The following ALK variants were observed in gnomAD, a reference collection of about 807,000 sequenced individuals.
ALK encodes the protein ALK tyrosine kinase receptor.
Under a neutral mutation model 163.1 loss-of-function variants are expected in ALK, and 74 were observed. The ratio of observed to expected loss-of-function variants is 0.45; its 90% confidence interval spans 0.38 to 0.55. The LOEUF is 0.55. Among genes scored for constraint, ALK ranks in the 20% least tolerant of loss-of-function variants. The pLI is 0.00. For synonymous variants in ALK, 960 were observed against 843.2 expected (o/e 1.14, Z -2.40); for missense variants, 2,063 against 2,105.3 (o/e 0.98, Z 0.39).
chr2:29,425,426 G>C (rs985770162), intron 4 of ALK, among the ~76,000 whole-genome samples: 2 of 152,202 alleles, frequency 1.3e-5, no homozygotes, highest in Non-Finnish European at 2.9e-5. Context: ...CTCCAGGTAA[G>C]CATGGCCAAG....
intron 2 of ALK, among the ~76,000 whole-genome samples, chr2:29,709,730 G>A (rs1332662142): frequency 6.6e-6 from 1 of 152,126 alleles, no homozygotes; most frequent in Non-Finnish European, 1.5e-5. Context: ...CCAGCTGCTG[G>A]TTGTGAATAC....
In ALK at chr2:29,209,858, C is replaced by A. The variant is rs1190225184; in HGVS notation, c.3764G>T (p.Cys1255Phe). 6.2e-7 allele frequency: 1 copy of A among 1,614,118 alleles called. No individual in the cohort carries two copies. The highest frequency in any genetic ancestry group is 8.5e-7 in the Non-Finnish European group (1 of 1,180,010). Residue 1255 changes from cysteine to phenylalanine, a missense_variant, in exon 25 of 29, where the codon TGC becomes TTC. Physicochemically the swap from Cys to Phe is radical, Grantham distance 205 (BLOSUM62 -2). This residue lies in a region of ALK where 83 missense variants were observed against 139.7 expected (regional missense o/e 0.59). Transcript: ENST00000389048. ...TCCAGGGCCTGGACAGGTCAAGAGG[C>A]AGTTTCTGGCAGCAATGTCTCTGGG... ...FIHRDIAARN[C>F]LLTCPGPGRV...
chr2:29,236,205 C>A (rs959288292), intron 13 of ALK, among the ~76,000 whole-genome samples: 1 of 152,136 alleles, frequency 6.6e-6, no homozygotes, highest in African/African-American at 2.4e-5. Flanking sequence ...GGCACCCCGC[C>A]TCCCTGGACT....
intron 4 of ALK, among the ~76,000 whole-genome samples, chr2:29,417,211 A>G (rs1327859022): frequency 6.6e-6 from 1 of 151,912 alleles, no homozygotes; most frequent in Admixed American, 6.6e-5. Context: ...GGTGGTCTTG[A>G]TCTCCTGACC....
intron 1 of ALK, among the ~76,000 whole-genome samples, chr2:29,814,034 C>T (rs1380805193): frequency 6.6e-6 from 1 of 152,128 alleles, no homozygotes; most frequent in Admixed American, 6.5e-5. Context: ...CACAGTGGTA[C>T]AAGGAATAAA....
intron 3 of ALK, among the ~76,000 whole-genome samples, chr2:29,589,117 A>G (rs963275432): frequency 6.6e-6 from 1 of 152,228 alleles, no homozygotes; most frequent in Non-Finnish European, 1.5e-5. Flanking sequence ...CGAGCAAGCG[A>G]TGATAGGTGA....
At chr2:29,634,349 C>T (rs1267135160) in intron 3 of ALK, among the ~76,000 whole-genome samples, 2 of 152,062 alleles carry the variant, frequency 1.3e-5, no homozygotes, top group Non-Finnish European at 2.9e-5. Context: ...AATCAATATC[C>T]CTACTGAATA....
chr2:29,854,274 A>G (rs1419695253), intron 1 of ALK, among the ~76,000 whole-genome samples: 1 of 152,100 alleles, frequency 6.6e-6, no homozygotes, highest in African/African-American at 2.4e-5. Flanking sequence ...TCCCCTCCAA[A>G]TCTCATGTTG....
At chr2:29,854,434 T>A (rs1666087376) in intron 1 of ALK, among the ~76,000 whole-genome samples, 1 of 152,136 alleles carries the variant, frequency 6.6e-6, no homozygotes, top group African/African-American at 2.4e-5. Flanking sequence ...AAGAGCTCCC[T>A]CTTTTACCAC....
chr2:29,835,531 C>T (rs1665536193), intron 1 of ALK, among the ~76,000 whole-genome samples: 2 of 152,154 alleles, frequency 1.3e-5, no homozygotes, highest in Non-Finnish European at 2.9e-5. Context: ...TCGTGTATCT[C>T]CTTCTACAGA....
intron 3 of ALK, among the ~76,000 whole-genome samples, chr2:29,652,344 G>A (rs1677060628): frequency 6.6e-6 from 1 of 152,080 alleles, no homozygotes; most frequent in African/African-American, 2.4e-5. Context: ...GGAGTAACGA[G>A]TTCTCTTTGC....
At chr2:29,515,495 G>C (rs1017295529) in intron 4 of ALK, among the ~76,000 whole-genome samples, 3 of 152,116 alleles carry the variant, frequency 2.0e-5, no homozygotes, top group Non-Finnish European at 2.9e-5. Flanking sequence ...TGAAGGCAAA[G>C]AGATGGGTAA....
intron 2 of ALK, among the ~76,000 whole-genome samples, chr2:29,706,376 C>A (rs1678912734): frequency 6.6e-6 from 1 of 152,206 alleles, no homozygotes; most frequent in Non-Finnish European, 1.5e-5. Context: ...CTGCCATCAA[C>A]ATCTGGTCAC....
At chr2:29,391,442 A>G (rs1205837892) in intron 4 of ALK, among the ~76,000 whole-genome samples, 2 of 152,038 alleles carry the variant, frequency 1.3e-5, no homozygotes, top group Non-Finnish European at 2.9e-5. Context: ...CTGGGATTAT[A>G]GGTGTGCGCC....
chr2:29,829,955 T>C (rs759645871), intron 1 of ALK, among the ~76,000 whole-genome samples: 12 of 152,250 alleles, frequency 7.9e-5, no homozygotes, highest in Non-Finnish European at 5.9e-5. Flanking sequence ...TTCCATTAAG[T>C]TGATGCCATA....
chr2:29,821,462 G>C (rs1665046044), intron 1 of ALK, among the ~76,000 whole-genome samples: 2 of 152,152 alleles, frequency 1.3e-5, no homozygotes, highest in Admixed American at 6.5e-5. Flanking sequence ...GAAGTGAAGA[G>C]CACCTGAATT....
At chr2:29,476,071 C>G (rs942574000) in intron 4 of ALK, among the ~76,000 whole-genome samples, 2 of 152,170 alleles carry the variant, frequency 1.3e-5, no homozygotes, top group African/African-American at 4.8e-5. Context: ...CGGGAGTGGT[C>G]AGGAGACTCC....
Position 29,225,475 on chromosome 2 carries a change from G to C in ALK, c.3158C>G (p.Ser1053Cys). Residue 1053 changes from serine (S) to cysteine (C), a missense_variant, in exon 19 of 29, where the codon TCC (serine) becomes TGC (cysteine). Physicochemically the swap from Ser to Cys is moderately radical, Grantham distance 112. Coordinates refer to ENST00000389048, the MANE Select transcript of ALK (RefSeq NM_004304.5). ...ALVAALVLAFSGIMIVYRRKH... is the reference protein window; with the variant it reads ...ALVAALVLAFCGIMIVYRRKH... ...TGTGCACTCACCAATCATGATGCCG[G>C]AGAAAGCCAGGACCAGGGCGGCCAC... 1 of 1,613,106 alleles carries C rather than the reference G, an allele frequency of 6.2e-7. No individual in the cohort carries two copies. Among genetic ancestry groups the C allele is most frequent in the Non-Finnish European group, 8.5e-7 (1 of 1,179,838 alleles).
intron 1 of ALK, among the ~76,000 whole-genome samples, chr2:29,738,986 C>T (rs1420556792): frequency 6.6e-6 from 1 of 151,902 alleles, no homozygotes; most frequent in Non-Finnish European, 1.5e-5. Flanking sequence ...CCTGTAATCC[C>T]AGTGCTTTGG....
Sources: allele counts gnomAD v4.1 joint callset (sites outside exome capture counted in the v4.1 genomes callset), GRCh38; gene constraint gnomAD v4.1.1; regional missense constraint gnomAD v4.1.1; transcripts MANE v1.5; gene names NCBI Gene and HGNC (gene_info 2026-07-23, HGNC 2026-07-21).